The following HS6ST3 variants were observed in gnomAD, a reference collection of about 807,000 sequenced individuals.
HS6ST3 encodes the protein heparan sulfate 6-O-sulfotransferase 3.
Under a neutral mutation model 36.7 loss-of-function variants are expected in HS6ST3, and 12 were observed. That is an observed-to-expected ratio of 0.33 (90% CI 0.21 to 0.53). The LOEUF (loss-of-function observed/expected upper bound fraction) is 0.53, where lower values mean the gene tolerates loss of function less well. HS6ST3 is among the 20% of genes least tolerant of loss of function. HS6ST3 has a pLI of 0.95. For missense variants in HS6ST3, 584 were observed against 640.9 expected (o/e 0.91, Z 0.96); for synonymous variants, 240 against 257.5 (o/e 0.93, Z 0.65).
chr13:96,287,284 C>A (rs2054808338), intron 1 of HS6ST3, among the ~76,000 whole-genome samples: 1 of 151,990 alleles, frequency 6.6e-6, no homozygotes. Context: ...CATGAGATAA[C>A]TCTGATTTAC....
At chr13:96,249,008 G>A (rs2054596188) in intron 1 of HS6ST3, among the ~76,000 whole-genome samples, 1 of 152,040 alleles carries the variant, frequency 6.6e-6, no homozygotes, top group South Asian at 2.1e-4. Context: ...CTCCATTGCT[G>A]GTGCCATTTC....
intron 1 of HS6ST3, among the ~76,000 whole-genome samples, chr13:96,229,138 T>C (rs989255469): frequency 2.0e-5 from 3 of 152,208 alleles, no homozygotes; most frequent in African/African-American, 4.8e-5. Context: ...ATTAATTATA[T>C]ACTTAGTTTG....
intron 1 of HS6ST3, among the ~76,000 whole-genome samples, chr13:96,448,915 A>T (rs140630483): frequency 5.3e-5 from 8 of 151,150 alleles, no homozygotes; most frequent in Non-Finnish European, 1.0e-4. Flanking sequence ...CATAGTTTTT[A>T]TTTTTTTATT....
At chr13:96,301,520 C>T (rs1284545708) in intron 1 of HS6ST3, among the ~76,000 whole-genome samples, 5 of 152,070 alleles carry the variant, frequency 3.3e-5, no homozygotes, top group Admixed American at 6.6e-5. Context: ...TCTCTGTGAC[C>T]GTGATATAAT....
intron 1 of HS6ST3, among the ~76,000 whole-genome samples, chr13:96,532,111 C>T (rs2056138043): frequency 6.6e-6 from 1 of 152,184 alleles, no homozygotes; most frequent in South Asian, 2.1e-4. Context: ...ACAGTCAGGC[C>T]TCTCAGTATG....
chr13:96,225,061 A>G (rs2054473814), intron 1 of HS6ST3, among the ~76,000 whole-genome samples: 1 of 152,208 alleles, frequency 6.6e-6, no homozygotes, highest in Non-Finnish European at 1.5e-5. Context: ...GAGAGTCCCT[A>G]AGAATGAAAC....
Position 96,184,050 on chromosome 13 carries a change from A to G in HS6ST3, c.707+92481A>G, listed in dbSNP as rs181923340. On this transcript the variant is annotated intron_variant, in intron 1 of 1. Coordinates refer to ENST00000376705, the MANE Select transcript of HS6ST3 (RefSeq NM_153456.4). ...ACCCTGTCTCTACTAAAAATACAAA[A>G]ATTAGCTGGACGTGGTGGTGCATGC... Among the ~76,000 whole-genome samples, 1,097 of 151,678 alleles carry G rather than the reference A, an allele frequency of 7.2e-3. 19 individuals are homozygous for G. Among genetic ancestry groups the G allele is most frequent in the Non-Finnish European group, 6.0e-3 (407 of 67,930 alleles).
At chr13:96,359,109 A>C (rs2055224680) in intron 1 of HS6ST3, among the ~76,000 whole-genome samples, 1 of 152,162 alleles carries the variant, frequency 6.6e-6, no homozygotes, top group African/African-American at 2.4e-5. Flanking sequence ...TGCTGACTTC[A>C]TCTTTACTTT....
chr13:96,100,962 A>C (rs144922080), intron 1 of HS6ST3, among the ~76,000 whole-genome samples: 1 of 152,300 alleles, frequency 6.6e-6, no homozygotes, highest in Admixed American at 6.5e-5. Context: ...TTCTGCATGG[A>C]CCATTAGTCT....
intron 1 of HS6ST3, among the ~76,000 whole-genome samples, chr13:96,196,206 G>A (rs527489339): frequency 2.0e-5 from 3 of 152,198 alleles, no homozygotes; most frequent in African/African-American, 7.2e-5. Context: ...CTGGTAGCCC[G>A]TAGGATTCCT....
intron 1 of HS6ST3, among the ~76,000 whole-genome samples, chr13:96,338,260 G>A (rs575458593): frequency 7.9e-4 from 121 of 152,204 alleles, no homozygotes; most frequent in African/African-American, 2.6e-3. Flanking sequence ...GAGCCACGTT[G>A]CTAAGATCAC....
chr13:96,326,307 C>G (rs1754373904), intron 1 of HS6ST3, among the ~76,000 whole-genome samples: 1 of 148,292 alleles, frequency 6.7e-6, no homozygotes, highest in African/African-American at 2.5e-5. Flanking sequence ...AGGTATATCT[C>G]CTAATGCTAT....
intron 1 of HS6ST3, among the ~76,000 whole-genome samples, chr13:96,301,107 G>C (rs768950773): frequency 3.3e-5 from 5 of 152,144 alleles, no homozygotes; most frequent in Non-Finnish European, 7.3e-5. Context: ...AAACCAAGAT[G>C]TATGGTCATC....
chr13:96,581,740 G>C (rs562346971), intron 1 of HS6ST3, among the ~76,000 whole-genome samples: 2 of 152,178 alleles, frequency 1.3e-5, no homozygotes, highest in Non-Finnish European at 2.9e-5. Flanking sequence ...AAATAATCTG[G>C]ATTGAGAAAG....
At chr13:96,300,768 G>T (rs1406062414) in intron 1 of HS6ST3, among the ~76,000 whole-genome samples, 1 of 151,968 alleles carries the variant, frequency 6.6e-6, no homozygotes, top group Non-Finnish European at 1.5e-5. Flanking sequence ...GCTCTGTTAG[G>T]TTGCAAATTA....
At chr13:96,418,563 A>C (rs1015496452) in intron 1 of HS6ST3, among the ~76,000 whole-genome samples, 5 of 152,170 alleles carry the variant, frequency 3.3e-5, no homozygotes, top group African/African-American at 4.8e-5. Context: ...TAGCTCAGCA[A>C]TCTGACCTCC....
intron 1 of HS6ST3, among the ~76,000 whole-genome samples, chr13:96,381,079 T>C (rs923886552): frequency 1.3e-5 from 2 of 152,210 alleles, no homozygotes; most frequent in Non-Finnish European, 2.9e-5. Context: ...CAATACTAAG[T>C]TATTTTCAAA....
In HS6ST3 at chr13:96,677,508, C is replaced by T. The variant is rs375420158; in HGVS notation, c.708-154982C>T. ...ATGTGTACACTTACACATATATATA[C>T]ACATACATATGTTATATATGCATAT... On this transcript the variant is annotated intron_variant, in intron 1 of 1. Coordinates refer to ENST00000376705, the MANE Select transcript of HS6ST3 (RefSeq NM_153456.4). 5.8e-3 allele frequency among the ~76,000 whole-genome samples: 884 copies of T among 152,030 alleles called. 2 individuals carry two copies. Among genetic ancestry groups the T allele is most frequent in the Middle Eastern group, 0.01 (3 of 294 alleles).
At chr13:96,130,304 C>T (rs1181412714) in intron 1 of HS6ST3, among the ~76,000 whole-genome samples, 1 of 152,134 alleles carries the variant, frequency 6.6e-6, no homozygotes, top group Non-Finnish European at 1.5e-5. Context: ...TGGTGGCTGT[C>T]ACCCTCCCCT....
Sources: gnomAD v4.1 joint callset for allele counts (sites outside exome capture counted in the v4.1 genomes callset) on GRCh38, gnomAD v4.1.1 for gene constraint, MANE v1.5 for transcripts, NCBI Gene and HGNC (gene_info 2026-07-23, HGNC 2026-07-21) for gene names.